Variants in RALA observed in about 807,000 individuals in gnomAD.
RALA encodes ras-related protein Ral-A.
A neutral mutation model predicts 24.0 loss-of-function variants in RALA; 5 were observed. The observed-to-expected ratio is 0.21, with a 90% CI of 0.11 to 0.44. The LOEUF (loss-of-function observed/expected upper bound fraction) is 0.44. RALA is among the 20% of genes least tolerant of loss of function. RALA has a pLI of 0.99. For missense variants in RALA, 95 were observed against 241.2 expected, an observed-to-expected ratio of 0.39 and a Z score of 4.01; for synonymous variants, 77 against 83.8, an observed-to-expected ratio of 0.92 and a Z score of 0.44.
intron 3 of RALA, among the ~76,000 whole-genome samples, chr7:39,693,417 G>A (rs942905922): frequency 3.3e-5 from 5 of 152,168 alleles, no homozygotes; most frequent in Admixed American, 6.5e-5. Flanking sequence ...GGGGCCTATC[G>A]TGGGGTGGGG....
intron 1 of RALA, among the ~76,000 whole-genome samples, chr7:39,631,893 C>T (rs185608949): frequency 3.7e-4 from 56 of 152,266 alleles, no homozygotes; most frequent in African/African-American, 1.2e-3. Flanking sequence ...TACGGTTCTG[C>T]AGGCTGTACT....
chr7:39,696,963 T>A, intron 4 of RALA, 104 bp downstream of exon 4: 1 of 1,109,786 alleles, frequency 9.0e-7, no homozygotes, highest in Non-Finnish European at 1.3e-6. Context: ...AAATAGAGGT[T>A]TAATCCTTGT....
At chr7:39,689,769 TATC>T (rs767890790) in intron 2 of RALA, among the ~76,000 whole-genome samples, 10 of 152,226 alleles carry the variant, frequency 6.6e-5, no homozygotes, top group Non-Finnish European at 8.8e-5. Context: ...TACACATACT[TATC>T]ATCTGCCTGC....
chr7:39,682,905 G>T (rs1426282273), intron 1 of RALA, among the ~76,000 whole-genome samples: 2 of 152,174 alleles, frequency 1.3e-5, no homozygotes, highest in Non-Finnish European at 2.9e-5. Flanking sequence ...CTCCCAAAGT[G>T]CTGGGATTAC....
Position 39,647,283 on chromosome 7 carries a change from T to C in RALA, c.-38+23458T>C, listed in dbSNP as rs963117209. On this transcript the variant is annotated intron_variant, in intron 1 of 4. Coordinates refer to ENST00000005257, the MANE Select transcript of RALA (RefSeq NM_005402.4). ...GTCTCGAACTCCTGCGCTCAAGTGG[T>C]ACACCCCCCTTGATCTCCCAAAGTG... Among the ~76,000 whole-genome samples the C allele has an allele frequency of 4.3e-4, 65 of 152,192 alleles. 1 individual carries two copies. Among genetic ancestry groups the C allele is most frequent in the Non-Finnish European group, 1.2e-4 (8 of 68,034 alleles).
chr7:39,652,848 G>T (rs976285602), intron 1 of RALA, among the ~76,000 whole-genome samples: 1 of 147,408 alleles, frequency 6.8e-6, no homozygotes, highest in African/African-American at 2.5e-5. Context: ...TCACTGCCAC[G>T]TCTGCCTCCC....
At chr7:39,657,199 C>T (rs1346669162) in intron 1 of RALA, among the ~76,000 whole-genome samples, 1 of 152,096 alleles carries the variant, frequency 6.6e-6, no homozygotes, top group Non-Finnish European at 1.5e-5. Context: ...CTGCTGACCT[C>T]AGGTGATCTG....
chr7:39,682,753 C>T (rs1792628492), intron 1 of RALA, among the ~76,000 whole-genome samples: 1 of 152,206 alleles, frequency 6.6e-6, no homozygotes, highest in African/African-American at 2.4e-5. Flanking sequence ...AACGATTCTC[C>T]TGCCTCAGCC....
At chr7:39,632,863 T>C (rs923089591) in intron 1 of RALA, among the ~76,000 whole-genome samples, 2 of 152,154 alleles carry the variant, frequency 1.3e-5, no homozygotes, top group Non-Finnish European at 2.9e-5. Flanking sequence ...AGGAGATGGA[T>C]GTGGTAAGAA....
intron 1 of RALA, among the ~76,000 whole-genome samples, chr7:39,628,428 TA>T (rs1369009955): frequency 1.3e-5 from 2 of 150,584 alleles, no homozygotes; most frequent in Non-Finnish European, 3.0e-5. Flanking sequence ...TTCTCTCTCT[TA>T]AAGGCCTTCT....
At chr7:39,703,571 C>A (rs1310206243) in intron 4 of RALA, among the ~76,000 whole-genome samples, 2 of 152,116 alleles carry the variant, frequency 1.3e-5, no homozygotes, top group Admixed American at 1.3e-4. Flanking sequence ...AACTCAGGTT[C>A]TGTTTAGGAG....
intron 1 of RALA, among the ~76,000 whole-genome samples, chr7:39,674,819 CTTTTTTTT>C: frequency 1.0e-5 from 1 of 96,686 alleles, no homozygotes; most frequent in South Asian, 3.4e-4. Context: ...TAATTTTATG[CTTTTTTTT>C]TTTTTTTTTT....
At chr7:39,688,786 C>T (rs541482626) in intron 2 of RALA, among the ~76,000 whole-genome samples, 1 of 152,134 alleles carries the variant, frequency 6.6e-6, no homozygotes, top group African/African-American at 2.4e-5. Context: ...TCTGTTCTCA[C>T]ACTGCTATAA....
intron 1 of RALA, among the ~76,000 whole-genome samples, chr7:39,671,356 C>T (rs1792383939): frequency 6.6e-6 from 1 of 152,126 alleles, no homozygotes; most frequent in Non-Finnish European, 1.5e-5. Flanking sequence ...CCATCACTTT[C>T]TCATGTGTTT....
chr7:39,662,093 G>T (rs975181703), intron 1 of RALA, among the ~76,000 whole-genome samples: 1 of 152,148 alleles, frequency 6.6e-6, no homozygotes, highest in Non-Finnish European at 1.5e-5. Flanking sequence ...TGGAGTGGCT[G>T]GGAGGTAGGG....
At chr7:39,660,566 T>G (rs1159037935) in intron 1 of RALA, among the ~76,000 whole-genome samples, 1 of 152,178 alleles carries the variant, frequency 6.6e-6, no homozygotes, top group East Asian at 1.9e-4. Flanking sequence ...TATATTGATT[T>G]TCTTATTGGG....
chr7:39,697,226 A>G (rs1439057933), intron 4 of RALA, among the ~76,000 whole-genome samples: 5 of 151,934 alleles, frequency 3.3e-5, no homozygotes, highest in Non-Finnish European at 5.9e-5. Flanking sequence ...CATCTACCCA[A>G]CCCCACTTAA....
intron 1 of RALA, among the ~76,000 whole-genome samples, chr7:39,660,557 A>G (rs542624776): frequency 1.3e-5 from 2 of 151,912 alleles, no homozygotes; most frequent in East Asian, 3.9e-4. Flanking sequence ...TGCATTGATT[A>G]TATTGATTTT....
At chr7:39,683,597 A>C (rs1792643934) in intron 1 of RALA, among the ~76,000 whole-genome samples, 1 of 152,170 alleles carries the variant, frequency 6.6e-6, no homozygotes, top group Non-Finnish European at 1.5e-5. Context: ...TAAGTGGTGG[A>C]GTGCCAAGTC....
Sources: gnomAD v4.1 joint callset for allele counts (sites outside exome capture counted in the v4.1 genomes callset) on GRCh38, gnomAD v4.1.1 for gene constraint, MANE v1.5 for transcripts, NCBI Gene and HGNC (gene_info 2026-07-23, HGNC 2026-07-21) for gene names.